Variants in NOL4 observed in about 807,000 individuals in gnomAD.
The protein encoded by NOL4 is nucleolar protein 4, also known as cancer/testis antigen 125.
A neutral mutation model predicts 75.9 loss-of-function variants in NOL4; 17 were observed. The ratio of observed to expected loss-of-function variants is 0.22; its 90% CI spans 0.15 to 0.34. NOL4 has a LOEUF of 0.34. Among genes scored for constraint, NOL4 ranks in the 10% least tolerant of loss-of-function variants. The pLI is 1.00. For synonymous variants in NOL4, 292 were observed against 289.9 expected, an observed-to-expected ratio of 1.01 and a Z score of -0.07; for missense variants, 614 against 793.5, an observed-to-expected ratio of 0.77 and a Z score of 2.72.
chr18:33,960,192 TTAAA>T (rs1278289105), intron 6 of NOL4, among the ~76,000 whole-genome samples: 1 of 152,046 alleles, frequency 6.6e-6, no homozygotes, highest in Non-Finnish European at 1.5e-5. Flanking sequence ...TAGAATCTAT[TTAAA>T]TAATTTATTA....
chr18:33,906,891 CA>C (rs1405908198), intron 9 of NOL4, among the ~76,000 whole-genome samples: 1 of 152,020 alleles, frequency 6.6e-6, no homozygotes, highest in Non-Finnish European at 1.5e-5. Flanking sequence ...CTTTCACACA[CA>C]AAAAGCAGGG....
intron 5 of NOL4, among the ~76,000 whole-genome samples, chr18:34,067,454 C>G (rs1253624552): frequency 6.6e-6 from 1 of 152,094 alleles, no homozygotes; most frequent in Non-Finnish European, 1.5e-5. Context: ...GGCTTAGAAT[C>G]TACTGTAGGA....
Position 34,207,091 on chromosome 18 carries a change from T to C in NOL4, c.264+15899A>G, listed in dbSNP as rs148743432. 9.2e-3 allele frequency among the ~76,000 whole-genome samples: 1,394 copies of C among 152,236 alleles called. 21 individuals carry two copies. The highest frequency in any genetic ancestry group is 0.032 in the African/African-American group (1,311 of 41,544). On this transcript the variant is annotated intron_variant, in intron 1 of 10. Coordinates refer to ENST00000261592, the MANE Select transcript of NOL4 (RefSeq NM_003787.5). ...AGTTTGTGTGCTGAAAAGGTCTATC[T>C]TTTCATTTACTTCAAGAGTGTTTGC...
rs559887989 is a variant in NOL4 at position 34,219,352 on chromosome 18, G to A, written c.264+3638C>T. The stretch of plus-strand genomic sequence containing the variant: ...GCTTGATACTGAAAGACAAAAACAT[G>A]AGCTTACCAAATTCCTAATGTTTTA... On this transcript the variant is annotated intron_variant, in intron 1 of 10. Transcript: ENST00000261592. Among the ~76,000 whole-genome samples, 31 of 152,238 alleles carry A rather than the reference G, an allele frequency of 2.0e-4. No individual in the cohort carries two copies. In the South Asian group the frequency reaches 6.4e-3, roughly 32 times the overall value.
At chr18:34,214,386 T>G (rs919444295) in intron 1 of NOL4, among the ~76,000 whole-genome samples, 5 of 152,140 alleles carry the variant, frequency 3.3e-5, no homozygotes, top group Admixed American at 1.3e-4. Flanking sequence ...TGGGGGAATC[T>G]TTTTTAGCAA....
intron 5 of NOL4, among the ~76,000 whole-genome samples, chr18:34,076,627 A>G (rs1352116321): frequency 6.6e-6 from 1 of 152,224 alleles, no homozygotes; most frequent in Non-Finnish European, 1.5e-5. Flanking sequence ...GTCCCACTCC[A>G]GGAACAGAAG....
intron 8 of NOL4, among the ~76,000 whole-genome samples, chr18:33,948,782 T>C (rs1047958201): frequency 6.6e-6 from 1 of 152,034 alleles, no homozygotes; most frequent in Non-Finnish European, 1.5e-5. Context: ...GTTTAGAGAT[T>C]TGAAGATACC....
chr18:33,938,966 A>T (rs1214898804), intron 9 of NOL4, among the ~76,000 whole-genome samples: 1 of 152,106 alleles, frequency 6.6e-6, no homozygotes, highest in African/African-American at 2.4e-5. Flanking sequence ...AGGTGTAAGG[A>T]AAAGGTCCAG....
chr18:33,959,740 C>T (rs866525830), intron 6 of NOL4, among the ~76,000 whole-genome samples: 1 of 152,016 alleles, frequency 6.6e-6, no homozygotes, highest in Non-Finnish European at 1.5e-5. Flanking sequence ...AATTGGTTCC[C>T]TTAAGCTTCA....
At chr18:33,874,652 C>T (rs939648080) in intron 10 of NOL4, among the ~76,000 whole-genome samples, 1 of 151,904 alleles carries the variant, frequency 6.6e-6, no homozygotes, top group Non-Finnish European at 1.5e-5. Flanking sequence ...AGGCCAGTTT[C>T]AGCAAAATGG....
chr18:33,979,742 A>G (rs1443399785), intron 6 of NOL4, among the ~76,000 whole-genome samples: 1 of 152,078 alleles, frequency 6.6e-6, no homozygotes, highest in African/African-American at 2.4e-5. Flanking sequence ...GACCATAAAA[A>G]ACTTTCATTC....
intron 9 of NOL4, among the ~76,000 whole-genome samples, chr18:33,942,528 C>A (rs1027580778): frequency 6.6e-6 from 1 of 151,758 alleles, no homozygotes; most frequent in Admixed American, 6.6e-5. Context: ...AATTGGCATA[C>A]AATAAATGAT....
chr18:33,888,534 G>A (rs184921775), intron 9 of NOL4, among the ~76,000 whole-genome samples: 1 of 152,186 alleles, frequency 6.6e-6, no homozygotes, highest in Non-Finnish European at 1.5e-5. Flanking sequence ...TTTTCTTCTA[G>A]GGTTTTTACA....
intron 9 of NOL4, among the ~76,000 whole-genome samples, chr18:33,939,470 T>A (rs903690477): frequency 1.3e-5 from 2 of 152,176 alleles, no homozygotes; most frequent in South Asian, 2.1e-4. Flanking sequence ...TTTATAGTTC[T>A]CCTTGAAGAG....
At position 33,989,190 on chromosome 18, in the gene NOL4, CAAAAAAAAAA is replaced by C. The variant is rs55924436; in HGVS notation, c.1056+30118_1056+30127del. The stretch of plus-strand genomic sequence containing the variant: ...GTGACAGAGTGAGACCCCATCTCTA[CAAAAAAAAAA>C]AAAAAAAAAAAAAAAAAAATCATTG... On this transcript the variant is annotated intron_variant, in intron 6 of 10. Coordinates refer to ENST00000261592, the MANE Select transcript of NOL4 (RefSeq NM_003787.5). Among the ~76,000 whole-genome samples the C allele has an allele frequency of 1.8e-4, 12 of 65,088 alleles. No homozygotes were observed. The Admixed American group carries it at 1.9e-3, about 10-fold the overall frequency. The allele number at this position is 65,088 out of a possible 152,430, so 42.7% of individuals were successfully genotyped here.
chr18:34,124,905 C>CAAAAA (rs11332460), intron 2 of NOL4, among the ~76,000 whole-genome samples: 1 of 147,706 alleles, frequency 6.8e-6, no homozygotes, highest in African/African-American at 2.5e-5. Flanking sequence ...AAAACTGTCT[C>CAAAAA]AAAAAAAAAA....
In NOL4 at chr18:33,851,928, T is replaced by A. The variant is rs1435556049; in HGVS notation, c.*914A>T. Reference sequence around the variant, plus strand: ...ACCTCTTAACATTCAGTCATCTACATCCAGGTGCTGCTAGAGGGATGCCTG... The same window carrying A: ...ACCTCTTAACATTCAGTCATCTACAACCAGGTGCTGCTAGAGGGATGCCTG... On this transcript the variant is annotated 3_prime_UTR_variant, in exon 11 of 11. Transcript: ENST00000261592. The A allele has an allele frequency of 6.6e-6, 1 of 152,462 alleles. No individual in the cohort carries two copies. Among genetic ancestry groups the A allele is most frequent in the African/African-American group, 2.4e-5 (1 of 41,396 alleles). The allele number at this position is 152,462 out of a possible 1,614,324, so 9.4% of individuals were successfully genotyped here.
intron 2 of NOL4, among the ~76,000 whole-genome samples, chr18:34,106,670 A>C (rs1283503009): frequency 1.3e-5 from 2 of 151,586 alleles, no homozygotes; most frequent in African/African-American, 4.8e-5. Context: ...AAATATATAT[A>C]TAATTTAGGT....
chr18:33,982,842 C>T (rs189843738), intron 6 of NOL4, among the ~76,000 whole-genome samples: 242 of 150,876 alleles, frequency 1.6e-3, no homozygotes, highest in African/African-American at 5.6e-3. Flanking sequence ...CCTCTGCTTC[C>T]CGGGTTCAAG....
Sources: allele counts gnomAD v4.1 joint callset (sites outside exome capture counted in the v4.1 genomes callset), GRCh38; gene constraint gnomAD v4.1.1; transcripts MANE v1.5; gene names NCBI Gene and HGNC (gene_info 2026-07-23, HGNC 2026-07-21).